CHD2: variants seen among roughly 807,000 people sequenced by gnomAD.
CHD2 encodes the protein ATP-dependent chromatin remodeler CHD2.
A neutral mutation model predicts 243.9 loss-of-function variants in CHD2; 28 were observed. That is an observed-to-expected ratio of 0.11 (90% CI 0.09 to 0.16). The LOEUF is 0.16. CHD2 is among the 10% of genes least tolerant of loss of function. CHD2 has a pLI of 1.00. For missense variants in CHD2, 1,386 were observed against 2,209.8 expected, an observed-to-expected ratio of 0.63 and a Z score of 7.47; for synonymous variants, 775 against 779.0, an observed-to-expected ratio of 0.99 and a Z score of 0.09.
At chr15:92,959,698 G>A (rs1213445313) in intron 16 of CHD2, among the ~76,000 whole-genome samples, 3 of 152,090 alleles carry the variant, frequency 2.0e-5, no homozygotes, top group Admixed American at 6.5e-5. Flanking sequence ...TGCCATGTTG[G>A]CCAGGCTGGT....
chr15:92,965,617 A>C lies in CHD2; in HGVS notation c.2001-1708A>C, dbSNP rs532402182. 1.4e-3 allele frequency among the ~76,000 whole-genome samples: 211 copies of C among 149,616 alleles called. 1 individual carries two copies. The highest frequency in any genetic ancestry group is 4.6e-3 in the African/African-American group (188 of 40,912). ...AAAACCAACTCAGAATCTGATGGTA[A>C]ATATTTTTGGTTCATAGCCCACACA... On this transcript the variant is annotated intron_variant, in intron 16 of 38. Transcript: ENST00000394196.
rs144895462 is a variant in CHD2 at position 92,988,011 on chromosome 15, C to T, written c.3413+2338C>T. ...CATCCCCATTTGTGCTGTTGTCGCA[C>T]ATTACATCTTTACACATTTTAAACC... On this transcript the variant is annotated intron_variant, in intron 26 of 38. Transcript: ENST00000394196. Among the ~76,000 whole-genome samples the T allele has an allele frequency of 8.2e-3, 1,244 of 152,182 alleles. 53 individuals carry two copies. Among genetic ancestry groups the T allele is most frequent in the Admixed American group, 0.07 (1,065 of 15,280 alleles).
chr15:92,935,302 C>T (rs1429874924), intron 5 of CHD2, among the ~76,000 whole-genome samples: 1 of 152,192 alleles, frequency 6.6e-6, no homozygotes, highest in Non-Finnish European at 1.5e-5. Context: ...TCCCAAAGTG[C>T]TGGGATTACA....
intron 27 of CHD2, among the ~76,000 whole-genome samples, chr15:92,992,636 T>C (rs2054135023): frequency 6.6e-6 from 1 of 152,240 alleles, no homozygotes; most frequent in Non-Finnish European, 1.5e-5. Flanking sequence ...ATTATTTTGT[T>C]TTGTGGAATA....
intron 19 of CHD2, among the ~76,000 whole-genome samples, chr15:92,973,702 A>G (rs1241204755): frequency 2.0e-5 from 3 of 152,318 alleles, no homozygotes; most frequent in Admixed American, 6.5e-5. Flanking sequence ...TCGAATCCCT[A>G]TGAGCTTTCA....
At chr15:92,931,456 TGC>T (rs1180344757) in intron 5 of CHD2, among the ~76,000 whole-genome samples, 1 of 152,172 alleles carries the variant, frequency 6.6e-6, no homozygotes, top group African/African-American at 2.4e-5. Flanking sequence ...CTTGGCTCTC[TGC>T]AGCCTCAATC....
rs1484720400 is a variant in CHD2, at chr15:92,904,952, C to T, written c.62+3653C>T. Reference sequence around the variant, plus strand: ...AAGATTATTTGAACTTGTCCCCATGCGTTTTTACTTGGTACCGTACATTTT... The same window carrying T: ...AAGATTATTTGAACTTGTCCCCATGTGTTTTTACTTGGTACCGTACATTTT... On this transcript the variant is annotated intron_variant, in intron 2 of 38. Coordinates refer to ENST00000394196, the MANE Select transcript of CHD2 (RefSeq NM_001271.4). 1.3e-6 allele frequency: 2 copies of T among 1,535,938 alleles called. 1 individual carries two copies. Among genetic ancestry groups the T allele is most frequent in the South Asian group, 2.4e-5 (2 of 84,060 alleles).
intron 16 of CHD2, among the ~76,000 whole-genome samples, chr15:92,966,041 G>C (rs1036036289): frequency 6.7e-6 from 1 of 148,750 alleles, no homozygotes; most frequent in Non-Finnish European, 1.5e-5. Context: ...AGATAGTTCA[G>C]TTTTCTTTCT....
chr15:92,984,485 G>A lies in CHD2; in HGVS notation c.3222G>A (p.Arg1074=), dbSNP rs2054015836. The change falls in exon 25 of 39, where the codon CGG becomes CGA. Residue 1074 remains arginine (R), a synonymous_variant. Coordinates refer to ENST00000394196, the MANE Select transcript of CHD2 (RefSeq NM_001271.4). The part of the protein sequence containing the change: ...LEEIYMLPRI[R]SSTKKAQTND... Reference sequence around the variant, plus strand: ...AAATTTATATGCTGCCTCGAATTCGGAGTTCCACTAAAAAGGTGATCAAGT... The same window carrying A: ...AAATTTATATGCTGCCTCGAATTCGAAGTTCCACTAAAAAGGTGATCAAGT... The A allele has an allele frequency of 1.2e-6, 2 of 1,610,432 alleles. No individual in the cohort carries two copies. The highest frequency in any genetic ancestry group is 1.3e-5 in the African/African-American group (1 of 74,744).
At chr15:92,966,998 C>A (rs1041763654) in intron 16 of CHD2, among the ~76,000 whole-genome samples, 1 of 151,992 alleles carries the variant, frequency 6.6e-6, no homozygotes, top group African/African-American at 2.4e-5. Context: ...AGTACTGGCA[C>A]CAGCTATATC....
At position 92,980,915 on chromosome 15, in the gene CHD2, A is replaced by G. The variant is rs202244266; in HGVS notation, c.2973+4A>G. 276 of 1,603,260 alleles carry G rather than the reference A, an allele frequency of 1.7e-4. No homozygotes were observed. The African/African-American group carries it at 3.4e-3, about 20-fold the overall frequency. On this transcript the variant is annotated splice_donor_region_variant and intron_variant, in intron 23 of 38. Transcript: ENST00000394196. ...AGGGGAGGAATCAGAACCTCAGGTA[A>G]TTAACAATGAGGAGAGGGAAATTTT...
intron 2 of CHD2, among the ~76,000 whole-genome samples, chr15:92,909,247 A>T (rs1192691600): frequency 6.6e-6 from 1 of 152,082 alleles, no homozygotes; most frequent in African/African-American, 2.4e-5. Flanking sequence ...TACTCTCCTT[A>T]CATCCTTTGG....
chr15:92,964,312 A>G (rs1008656503), intron 16 of CHD2, among the ~76,000 whole-genome samples: 35 of 152,354 alleles, frequency 2.3e-4, no homozygotes, highest in African/African-American at 7.2e-4. Flanking sequence ...AAAGATATGT[A>G]TATGAAAAGG....
At chr15:93,018,782 A>G (rs947358692) in intron 37 of CHD2, among the ~76,000 whole-genome samples, 2 of 152,184 alleles carry the variant, frequency 1.3e-5, no homozygotes, top group East Asian at 1.9e-4. Flanking sequence ...TCTCCTATGC[A>G]TAGCCTGTCA....
chr15:92,923,207 T>G (rs2052992606), intron 2 of CHD2, among the ~76,000 whole-genome samples: 1 of 152,246 alleles, frequency 6.6e-6, no homozygotes, highest in Non-Finnish European at 1.5e-5. Flanking sequence ...GAACCACGAT[T>G]GGATAATTGC....
At chr15:92,941,233 T>G (rs1266843502) in intron 7 of CHD2, among the ~76,000 whole-genome samples, 1 of 151,612 alleles carries the variant, frequency 6.6e-6, no homozygotes, top group Non-Finnish European at 1.5e-5. Flanking sequence ...ACCTCGTGAT[T>G]CACCTGTGTC....
At chr15:92,917,229 A>C (rs1363442158) in intron 2 of CHD2, among the ~76,000 whole-genome samples, 1 of 152,232 alleles carries the variant, frequency 6.6e-6, no homozygotes, top group Non-Finnish European at 1.5e-5. Flanking sequence ...CCAAAGGTGG[A>C]GAGTTTAAAG....
intron 16 of CHD2, among the ~76,000 whole-genome samples, chr15:92,957,385 G>A (rs941678171): frequency 6.6e-6 from 1 of 152,074 alleles, no homozygotes; most frequent in African/African-American, 2.4e-5. Context: ...CATCTTAAAC[G>A]ACCACCTCCT....
rs55687170 is a variant in CHD2 at position 92,977,955 on chromosome 15, A to G, written c.2578-279A>G. Among the ~76,000 whole-genome samples the G allele has an allele frequency of 3.1e-3, 474 of 152,282 alleles. 1 individual carries two copies. Among genetic ancestry groups the G allele is most frequent in the African/African-American group, 0.011 (452 of 41,548 alleles). On this transcript the variant is annotated intron_variant, in intron 20 of 38. Transcript: ENST00000394196. ...ATTATTGTTGCTGTTAACTTCTTGT[A>G]TATTAGTTGTAGCCGGGAGGTAGCA...
Sources: allele counts gnomAD v4.1 joint callset (sites outside exome capture counted in the v4.1 genomes callset), GRCh38; gene constraint gnomAD v4.1.1; transcripts MANE v1.5; gene names NCBI Gene and HGNC (gene_info 2026-07-23, HGNC 2026-07-21).